Variants in RASSF6 observed in about 807,000 individuals in gnomAD.
RASSF6 encodes the protein ras association domain-containing protein 6.
In RASSF6, 52 loss-of-function variants were observed where a neutral mutation model predicts 44.0. The ratio of observed to expected loss-of-function variants is 1.18; its 90% confidence interval spans 0.95 to 1.49. RASSF6 has a LOEUF of 1.49. Among genes scored for constraint, RASSF6 ranks in the 40% most tolerant of loss-of-function variants. The probability of loss-of-function intolerance (pLI) is 0.00; values close to 1 mark genes in which losing one functional copy is unlikely to be tolerated. For missense variants in RASSF6, 464 were observed against 393.3 expected (o/e 1.18, Z -1.52); for synonymous variants, 162 against 124.6 (o/e 1.30, Z -2.00).
chr4:73,592,402 A>G (rs1455894301), intron 4 of RASSF6, among the ~76,000 whole-genome samples: 1 of 152,194 alleles, frequency 6.6e-6, no homozygotes, highest in African/African-American at 2.4e-5. Context: ...AATGGTGGGA[A>G]AAGAAGGCTT....
intron 3 of RASSF6, 29 bp from the exon 4 acceptor site, chr4:73,593,622 T>A (rs1449857193): frequency 6.2e-7 from 1 of 1,601,598 alleles, no homozygotes; most frequent in South Asian, 1.1e-5. Context: ...ATCCCCCAAT[T>A]GTTTTTGTAT....
intron 8 of RASSF6, among the ~76,000 whole-genome samples, chr4:73,577,008 C>T (rs1723280366): frequency 6.6e-6 from 1 of 152,142 alleles, no homozygotes; most frequent in South Asian, 2.1e-4. Context: ...TTTTATAAAG[C>T]AATATGCCTC....
At chr4:73,602,171 C>T (rs939428529) in intron 2 of RASSF6, among the ~76,000 whole-genome samples, 26 of 152,154 alleles carry the variant, frequency 1.7e-4, no homozygotes, top group African/African-American at 6.0e-4. Context: ...GAATGAGCCC[C>T]GTGAACCATT....
In RASSF6 at chr4:73,576,135, C is replaced by T. The variant is rs1283971932; in HGVS notation, c.*100G>A. ...ATTCAATTTTCTACGATTCAAGTCT[C>T]ATATATGTTCGTATAAATGCAAGTA... On this transcript the variant is annotated 3_prime_UTR_variant, in exon 11 of 11. Transcript: ENST00000307439. 3 of 635,484 alleles carry T rather than the reference C, an allele frequency of 4.7e-6. No individual in the cohort carries two copies. Among genetic ancestry groups the T allele is most frequent in the Non-Finnish European group, 5.3e-6 (2 of 375,290 alleles). 39.4% of individuals were successfully genotyped at this position (635,484 alleles called of 1,614,324 possible).
chr4:73,593,299 AG>A (rs1271841571), intron 4 of RASSF6, 151 bp downstream of exon 4: 2 of 730,132 alleles, frequency 2.7e-6, no homozygotes, highest in Non-Finnish European at 4.2e-6. Context: ...TACAGGTGTG[AG>A]CCACCGTGCC....
At chr4:73,596,064 T>C (rs147304492) in intron 3 of RASSF6, among the ~76,000 whole-genome samples, 1 of 152,152 alleles carries the variant, frequency 6.6e-6, no homozygotes, top group East Asian at 1.9e-4. Flanking sequence ...GTGTGGAGAA[T>C]GAAACACTGA....
At chr4:73,599,229 C>T (rs1049090139) in intron 2 of RASSF6, among the ~76,000 whole-genome samples, 15 of 152,166 alleles carry the variant, frequency 9.9e-5, no homozygotes, top group South Asian at 2.1e-4. Context: ...TCCTACTTGC[C>T]GGGGCTGTTT....
At chr4:73,585,068 A>T in intron 6 of RASSF6, 112 bp downstream of exon 6, 1 of 686,816 alleles carries the variant, frequency 1.5e-6, no homozygotes, top group Admixed American at 2.9e-5. Context: ...AAGATGTTAG[A>T]CATGCTACTG....
chr4:73,582,828 C>G (rs1253006949), intron 6 of RASSF6, among the ~76,000 whole-genome samples: 4 of 142,240 alleles, frequency 2.8e-5, no homozygotes, highest in African/African-American at 1.0e-4. Context: ...ATTTATAACA[C>G]CCACACATGT....
intron 2 of RASSF6, 39 bp downstream of exon 2, chr4:73,611,692 G>A: frequency 7.6e-7 from 1 of 1,316,756 alleles, no homozygotes. Context: ...ACAAATGACT[G>A]GTGAGTAGGA....
At chr4:73,584,543 C>T (rs112433064) in intron 6 of RASSF6, among the ~76,000 whole-genome samples, 292 of 152,122 alleles carry the variant, frequency 1.9e-3, no homozygotes, top group African/African-American at 6.5e-3. Context: ...TATATAAAAA[C>T]GGTATGTGTA....
intron 5 of RASSF6, among the ~76,000 whole-genome samples, chr4:73,587,519 G>A (rs1724189954): frequency 6.6e-6 from 1 of 151,774 alleles, no homozygotes; most frequent in South Asian, 2.1e-4. Context: ...CTAATCTTTG[G>A]GGAAGATATT....
intron 5 of RASSF6, among the ~76,000 whole-genome samples, chr4:73,587,153 A>G (rs1223527124): frequency 6.6e-6 from 1 of 152,066 alleles, no homozygotes; most frequent in Non-Finnish European, 1.5e-5. Flanking sequence ...ATTATGCCTG[A>G]TACTTACCAG....
At chr4:73,611,086 C>A (rs997465831) in intron 2 of RASSF6, among the ~76,000 whole-genome samples, 1 of 152,104 alleles carries the variant, frequency 6.6e-6, no homozygotes, top group Non-Finnish European at 1.5e-5. Context: ...ATTTATTTGG[C>A]TTTTTTCCTT....
intron 4 of RASSF6, among the ~76,000 whole-genome samples, chr4:73,590,349 T>A (rs190662976): frequency 6.6e-6 from 1 of 152,366 alleles, no homozygotes; most frequent in African/African-American, 2.4e-5. Flanking sequence ...GCTGAAGTTC[T>A]ATTGTCATTT....
At chr4:73,616,556 T>C (rs1444790406) in intron 1 of RASSF6, among the ~76,000 whole-genome samples, 4 of 152,198 alleles carry the variant, frequency 2.6e-5, no homozygotes, top group African/African-American at 9.6e-5. Flanking sequence ...ATAATATTAA[T>C]GGTAAAATTA....
intron 2 of RASSF6, among the ~76,000 whole-genome samples, chr4:73,603,485 C>A (rs1273845998): frequency 6.6e-6 from 1 of 151,842 alleles, no homozygotes; most frequent in Non-Finnish European, 1.5e-5. Context: ...GGGGGCAGGT[C>A]AGGGGGAGGG....
chr4:73,592,507 A>G (rs1442960344), intron 4 of RASSF6, among the ~76,000 whole-genome samples: 1 of 152,238 alleles, frequency 6.6e-6, no homozygotes, highest in Non-Finnish European at 1.5e-5. Flanking sequence ...GAACTTTTAT[A>G]CAGGTATGTT....
intron 2 of RASSF6, among the ~76,000 whole-genome samples, chr4:73,607,547 G>T (rs1450862875): frequency 6.6e-6 from 1 of 152,136 alleles, no homozygotes; most frequent in Non-Finnish European, 1.5e-5. Context: ...CATAGAACTG[G>T]GTTCCTTCCC....
Sources: allele counts gnomAD v4.1 joint callset (sites outside exome capture counted in the v4.1 genomes callset), GRCh38; gene constraint gnomAD v4.1.1; transcripts MANE v1.5; gene names NCBI Gene and HGNC (gene_info 2026-07-23, HGNC 2026-07-21).